The following CACNA1C variants were observed in gnomAD, a reference collection of about 807,000 sequenced individuals.
CACNA1C encodes the protein calcium voltage-gated channel subunit alpha1 C, also known as voltage-dependent L-type calcium channel subunit alpha-1C.
CACNA1C carries 30 observed loss-of-function variants against 229.0 expected under a neutral mutation model. That is an observed-to-expected ratio of 0.13 (90% CI 0.10 to 0.18). The LOEUF is 0.18. Ranked by LOEUF, CACNA1C falls within the 10% of genes least tolerant of loss-of-function variation. CACNA1C has a pLI of 1.00. For synonymous variants in CACNA1C, 1,114 were observed against 1,132.5 expected (o/e 0.98, Z 0.33); for missense variants, 1,658 against 2,845.0 (o/e 0.58, Z 9.49).
chr12:2,011,744 G>C (rs2044478771), intron 1 of CACNA1C, among the ~76,000 whole-genome samples: 2 of 152,238 alleles, frequency 1.3e-5, no homozygotes, highest in Admixed American at 6.5e-5. Context: ...CAAAACTAAG[G>C]GCCGAAAAGC....
chr12:2,321,417 T>C (rs891020325), intron 3 of CACNA1C, among the ~76,000 whole-genome samples: 1 of 152,088 alleles, frequency 6.6e-6, no homozygotes, highest in Non-Finnish European at 1.5e-5. Flanking sequence ...GTAGGGCTGA[T>C]GGGATGATTG....
In CACNA1C at chr12:2,092,698, C is replaced by T. The variant is rs146434140; in HGVS notation, c.50-22526C>T. 2.7e-3 allele frequency among the ~76,000 whole-genome samples: 409 copies of T among 152,154 alleles called. 1 individual carries two copies. The highest frequency in any genetic ancestry group is 9.2e-3 in the African/African-American group (382 of 41,514). ...AGAATGTTGACTTGAAATAGTTAACCTTTAGTAAGCATGCATTAGTATTAA... is the reference window on the plus strand; with the variant it reads ...AGAATGTTGACTTGAAATAGTTAACTTTTAGTAAGCATGCATTAGTATTAA... On this transcript the variant is annotated intron_variant, in intron 1 of 46. Transcript: ENST00000399655.
intron 3 of CACNA1C, among the ~76,000 whole-genome samples, chr12:2,335,928 G>A (rs1359369936): frequency 6.7e-6 from 1 of 148,938 alleles, no homozygotes; most frequent in Non-Finnish European, 1.5e-5. Context: ...TCCTAAGGCT[G>A]TTCAAGTACA....
intron 9 of CACNA1C, among the ~76,000 whole-genome samples, chr12:2,549,266 C>G (rs2099891112): frequency 6.6e-6 from 1 of 152,180 alleles, no homozygotes; most frequent in Non-Finnish European, 1.5e-5. Flanking sequence ...AGGCTGTCTT[C>G]TGACCACAAT....
chr12:2,136,007 T>C (rs2093419388), intron 3 of CACNA1C, among the ~76,000 whole-genome samples: 1 of 150,450 alleles, frequency 6.6e-6, no homozygotes. Flanking sequence ...TATAGTCTCG[T>C]GGTGCGCCGT....
chr12:1,977,256 A>G (rs1320414199), intron 1 of CACNA1C, among the ~76,000 whole-genome samples: 2 of 152,204 alleles, frequency 1.3e-5, no homozygotes, highest in African/African-American at 2.4e-5. Flanking sequence ...CAGATCTGTT[A>G]GCATGCTCGG....
chr12:2,351,692 G>A (rs1397541312), intron 3 of CACNA1C, among the ~76,000 whole-genome samples: 1 of 152,192 alleles, frequency 6.6e-6, no homozygotes, highest in Admixed American at 6.5e-5. Flanking sequence ...GTTGGTGTCT[G>A]CCATGCTGCA....
intron 3 of CACNA1C, among the ~76,000 whole-genome samples, chr12:2,305,008 T>C (rs1366293275): frequency 6.6e-6 from 1 of 152,174 alleles, no homozygotes; most frequent in Admixed American, 6.5e-5. Flanking sequence ...GTGCGGGTGT[T>C]TGCAGGATGA....
At chr12:1,981,527 T>G (rs1386962801) in intron 1 of CACNA1C, among the ~76,000 whole-genome samples, 1 of 152,188 alleles carries the variant, frequency 6.6e-6, no homozygotes. Context: ...CAACTAGTAA[T>G]TGCCTTTATT....
chr12:2,176,520 T>A (rs2096649551), intron 3 of CACNA1C, among the ~76,000 whole-genome samples: 1 of 149,346 alleles, frequency 6.7e-6, no homozygotes, highest in Admixed American at 6.7e-5. Flanking sequence ...GCAGAGAGCC[T>A]TCAGCCCTGG....
chr12:2,436,527 G>A (rs766731310), intron 3 of CACNA1C, among the ~76,000 whole-genome samples: 2 of 152,212 alleles, frequency 1.3e-5, no homozygotes, highest in Non-Finnish European at 2.9e-5. Context: ...GCTGATGGCT[G>A]TAGATCTAGT....
rs111243289 is a variant in CACNA1C at position 2,194,922 on chromosome 12, T to C, written c.477+74492T>C. 3.9e-5 allele frequency among the ~76,000 whole-genome samples: 6 copies of C among 152,322 alleles called. 1 individual carries two copies. The highest frequency in any genetic ancestry group is 1.2e-4 in the African/African-American group (5 of 41,574). On this transcript the variant is annotated intron_variant, in intron 3 of 46. Transcript: ENST00000399655. ...TCTGATCTAAGGTCTTCTGAGGACA[T>C]TGGGGACACTTTATTCCCAAGAGCA...
intron 1 of CACNA1C, chr12:2,004,460 G>T: frequency 6.3e-7 from 1 of 1,588,826 alleles, no homozygotes; most frequent in Non-Finnish European, 8.6e-7. Context: ...ATAGGCACGG[G>T]GCTCTTGGAA....
rs2097833174 is a variant in CACNA1C at position 2,695,447 on chromosome 12, A to G, written c.*4248A>G. The G allele has an allele frequency of 6.6e-6, 1 of 152,142 alleles. No homozygotes were observed. Among genetic ancestry groups the G allele is most frequent in the African/African-American group, 2.4e-5 (1 of 41,436 alleles). The allele number at this position is 152,142 out of a possible 1,614,324, so 9.4% of individuals were successfully genotyped here. A position where few individuals can be genotyped will look rare whatever the true frequency, so the allele number is the denominator to read the frequency against. Reference sequence around the variant, plus strand: ...CCTCCCCTCAGGCTGTCCAGGTGCCACCTGACACAGGCTGCTGTGCAAAGA... The same window carrying G: ...CCTCCCCTCAGGCTGTCCAGGTGCCGCCTGACACAGGCTGCTGTGCAAAGA... On this transcript the variant is annotated 3_prime_UTR_variant, in exon 47 of 47. Coordinates refer to ENST00000399655, the MANE Select transcript of CACNA1C (RefSeq NM_000719.7).
intron 3 of CACNA1C, among the ~76,000 whole-genome samples, chr12:2,391,162 T>C (rs903357722): frequency 1.3e-5 from 2 of 152,164 alleles, no homozygotes; most frequent in South Asian, 2.1e-4. Context: ...TTTCCCTTCA[T>C]TGAGACAGGG....
intron 4 of CACNA1C, among the ~76,000 whole-genome samples, chr12:2,456,454 C>A (rs994705314): frequency 1.3e-5 from 2 of 152,214 alleles, no homozygotes; most frequent in African/African-American, 4.8e-5. Flanking sequence ...AGAGAGGATA[C>A]CAGCACCCGG....
rs145365397 is a variant in CACNA1C, at chr12:2,486,468, C to T, written c.916+206C>T. Among the ~76,000 whole-genome samples, 95 of 152,268 alleles carry T rather than the reference C, an allele frequency of 6.2e-4. No homozygotes were observed. Among genetic ancestry groups the T allele is most frequent in the Non-Finnish European group, 1.0e-3 (69 of 68,028 alleles). On this transcript the variant is annotated intron_variant, in intron 6 of 46. Transcript: ENST00000399655. This position sits in a 1 kb window ranked among gnomAD's most constrained non-coding sequence, Gnocchi z 4.9. ...ATTTTTGTTTTAATCTCTGTTAAAC[C>T]GGCCTAACGCAAACTTCGTTCAGCA... is the stretch of plus-strand genomic sequence containing the variant.
chr12:2,369,403 C>CTTTT (rs372810217), intron 3 of CACNA1C, among the ~76,000 whole-genome samples: 41 of 142,050 alleles, frequency 2.9e-4, no homozygotes, highest in African/African-American at 7.7e-4. Flanking sequence ...CTTTACATAC[C>CTTTT]TTTTTTTTTT....
chr12:2,547,829 G>A (rs1449105835), intron 9 of CACNA1C, among the ~76,000 whole-genome samples: 8 of 152,154 alleles, frequency 5.3e-5, no homozygotes, highest in South Asian at 2.1e-4. Flanking sequence ...GTGAATGCAC[G>A]GTTGGAACCA....
Sources: gnomAD v4.1 joint callset for allele counts (sites outside exome capture counted in the v4.1 genomes callset) on GRCh38, gnomAD v4.1.1 for gene constraint, Gnocchi (gnomAD v3.1) non-coding constraint, MANE v1.5 for transcripts, NCBI Gene and HGNC (gene_info 2026-07-23, HGNC 2026-07-21) for gene names.